Variants in UBE2D2 observed in about 807,000 individuals in gnomAD.
UBE2D2 encodes the protein ubiquitin-conjugating enzyme E2 D2.
A neutral mutation model predicts 24.2 loss-of-function variants in UBE2D2; 2 were observed. The ratio of observed to expected loss-of-function variants is 0.08; its 90% CI spans 0.03 to 0.26. The LOEUF is 0.26. Ranked by LOEUF, UBE2D2 falls within the 10% of genes least tolerant of loss-of-function variation. The pLI, the probability that UBE2D2 is intolerant of heterozygous loss-of-function variation, is 1.00. For missense variants in UBE2D2, 44 were observed against 177.6 expected, an observed-to-expected ratio of 0.25 and a Z score of 4.28; for synonymous variants, 58 against 56.5, an observed-to-expected ratio of 1.03 and a Z score of -0.12.
At position 139,581,731 on chromosome 5, in the gene UBE2D2, C is replaced by A. The variant is rs188669460; in HGVS notation, c.25-18641C>A. On this transcript the variant is annotated intron_variant, in intron 1 of 6. Transcript: ENST00000398733. ...TCACCCACGCTGGAGTGCAGTGGTG[C>A]AGTCTTGGCTCACTGCAACCTCTGC... Among the ~76,000 whole-genome samples the A allele has an allele frequency of 4.7e-3, 706 of 151,754 alleles. 4 individuals are homozygous for A. In the South Asian group the frequency reaches 0.049, roughly 11 times the overall value.
intron 2 of UBE2D2, among the ~76,000 whole-genome samples, chr5:139,611,379 G>A (rs897356964): frequency 6.6e-6 from 1 of 151,698 alleles, no homozygotes; most frequent in African/African-American, 2.4e-5. Context: ...GTAGAGACGG[G>A]GTTTCACTAT....
chr5:139,600,969 AT>A (rs1308021136), intron 2 of UBE2D2, among the ~76,000 whole-genome samples: 3 of 151,946 alleles, frequency 2.0e-5, no homozygotes, highest in Non-Finnish European at 4.4e-5. Context: ...CGCCTGATTA[AT>A]TTTTGTATTT....
At chr5:139,581,660 AGTTTGTTT>A (rs576107646) in intron 1 of UBE2D2, among the ~76,000 whole-genome samples, 10 of 151,984 alleles carry the variant, frequency 6.6e-5, no homozygotes, top group Non-Finnish European at 5.9e-5. Flanking sequence ...AATTTTATGT[AGTTTGTTT>A]GTTTGTTTGT....
chr5:139,587,058 T>C (rs891397851), intron 1 of UBE2D2, among the ~76,000 whole-genome samples: 11 of 152,172 alleles, frequency 7.2e-5, no homozygotes, highest in Admixed American at 6.6e-5. Flanking sequence ...TCGTGTTCTC[T>C]GACCTGGGGT....
At chr5:139,540,545 C>CAA (rs540123430) in intron 1 of UBE2D2, among the ~76,000 whole-genome samples, 986 of 94,356 alleles carry the variant, frequency 0.01, 26 homozygotes, top group Middle Eastern at 0.038. Context: ...GACTCCATCT[C>CAA]AAAAAAAAAA....
chr5:139,598,284 G>A (rs773981524), intron 1 of UBE2D2, among the ~76,000 whole-genome samples: 6 of 151,964 alleles, frequency 3.9e-5, no homozygotes, highest in Non-Finnish European at 7.4e-5. Flanking sequence ...AAATGGTTTT[G>A]GATTTAAAAA....
chr5:139,552,166 T>TGCCCAG (rs1460163389), intron 1 of UBE2D2, among the ~76,000 whole-genome samples: 1 of 150,314 alleles, frequency 6.7e-6, no homozygotes, highest in Non-Finnish European at 1.5e-5. Context: ...TAGCTAACTT[T>TGCCCAG]TTTTTTTTTT....
upstream of UBE2D2, among the ~76,000 whole-genome samples, chr5:139,557,085 G>A (rs542589927): frequency 2.6e-4 from 39 of 150,610 alleles, no homozygotes; most frequent in African/African-American, 8.5e-4. Flanking sequence ...TGCCTGCCTC[G>A]GCCTCCCAAA....
intron 1 of UBE2D2, among the ~76,000 whole-genome samples, chr5:139,571,708 T>G (rs1753355161): frequency 6.6e-6 from 1 of 151,986 alleles, no homozygotes; most frequent in Non-Finnish European, 1.5e-5. Context: ...TTGCCAAACT[T>G]AACTTTTGCT....
At chr5:139,574,524 T>G (rs150141905) in intron 1 of UBE2D2, among the ~76,000 whole-genome samples, 1 of 151,876 alleles carries the variant, frequency 6.6e-6, no homozygotes, top group East Asian at 1.9e-4. Flanking sequence ...CAGAAATGGC[T>G]TCTCTAGGAA....
At chr5:139,537,051 C>T (rs1376365654) in intron 1 of UBE2D2, among the ~76,000 whole-genome samples, 2 of 151,804 alleles carry the variant, frequency 1.3e-5, no homozygotes, top group Non-Finnish European at 2.9e-5. Context: ...GGCATGGTGG[C>T]GGATGCCTGT....
At position 139,593,640 on chromosome 5, in the gene UBE2D2, TG is replaced by T. The variant is rs1323799444; in HGVS notation, c.25-6728del. 2.0e-5 allele frequency among the ~76,000 whole-genome samples: 3 copies of T among 152,184 alleles called. No homozygotes were observed. The South Asian group carries it at 6.2e-4, about 32-fold the overall frequency. On this transcript the variant is annotated intron_variant, in intron 1 of 6. Coordinates refer to ENST00000398733, the MANE Select transcript of UBE2D2 (RefSeq NM_003339.3). Reference sequence around the variant, plus strand: ...TAAAATATGTACTTTTTTTTAGAGATGGGGTCTCACTTTGTTACCTAGGCTG... The same window carrying T: ...TAAAATATGTACTTTTTTTTAGAGATGGGTCTCACTTTGTTACCTAGGCTG...
At chr5:139,616,831 G>C (rs1308390860) in intron 5 of UBE2D2, among the ~76,000 whole-genome samples, 1 of 152,128 alleles carries the variant, frequency 6.6e-6, no homozygotes, top group Admixed American at 6.6e-5. Context: ...TCTGAAAATT[G>C]GAGGTTACTT....
rs564489683 is a variant in UBE2D2, at chr5:139,622,664, C to T, written c.305-704C>T. Among the ~76,000 whole-genome samples the T allele has an allele frequency of 9.1e-3, 1,309 of 144,034 alleles. 12 individuals carry two copies. The highest frequency in any genetic ancestry group is 0.014 in the Non-Finnish European group (885 of 65,372). The allele number at this position is 144,034 out of a possible 152,430, so 94.5% of individuals were successfully genotyped here. A position where few individuals can be genotyped will look rare whatever the true frequency, so the allele number is the denominator to read the frequency against. On this transcript the variant is annotated intron_variant, in intron 5 of 6. Coordinates refer to ENST00000398733, the MANE Select transcript of UBE2D2 (RefSeq NM_003339.3). The stretch of plus-strand genomic sequence containing the variant: ...CAGCACTTTGGGAGGCCAAGGTGGG[C>T]GGATCACGAGGTCAGGAGATCGAGA...
intron 1 of UBE2D2, among the ~76,000 whole-genome samples, chr5:139,548,036 C>T (rs1028563991): frequency 9.2e-5 from 14 of 151,516 alleles, no homozygotes; most frequent in East Asian, 3.9e-4. Flanking sequence ...TGGTGGCTCA[C>T]GCCTGTAATC....
intron 1 of UBE2D2, among the ~76,000 whole-genome samples, chr5:139,591,601 TAGAAAATG>T (rs550034538): frequency 2.4e-4 from 37 of 152,168 alleles, no homozygotes; most frequent in Middle Eastern, 6.8e-3. Flanking sequence ...AAGAGAGAAA[TAGAAAATG>T]AGAAAATGAG....
intron 1 of UBE2D2, among the ~76,000 whole-genome samples, chr5:139,568,752 C>G (rs1753293872): frequency 6.6e-6 from 1 of 152,182 alleles, no homozygotes; most frequent in African/African-American, 2.4e-5. Context: ...GTGAGTGGAT[C>G]ACGAGGTCAG....
intron 1 of UBE2D2, among the ~76,000 whole-genome samples, chr5:139,571,423 A>C (rs1419642830): frequency 2.0e-5 from 3 of 151,638 alleles, no homozygotes; most frequent in East Asian, 1.9e-4. Context: ...AAAAAAAAAA[A>C]CAAACACAGA....
intron 1 of UBE2D2, among the ~76,000 whole-genome samples, chr5:139,542,454 C>T (rs1347408362): frequency 1.3e-5 from 2 of 152,048 alleles, no homozygotes; most frequent in African/African-American, 2.4e-5. Flanking sequence ...ACTGCAACCC[C>T]GCCTCCTGGG....
Sources: allele counts gnomAD v4.1 joint callset (sites outside exome capture counted in the v4.1 genomes callset), GRCh38; gene constraint gnomAD v4.1.1; transcripts MANE v1.5; gene names NCBI Gene and HGNC (gene_info 2026-07-23, HGNC 2026-07-21).